The following MAMLD1 variants were observed in gnomAD, a reference collection of about 807,000 sequenced individuals.
MAMLD1 encodes the protein mastermind-like domain-containing protein 1.
Under a neutral mutation model 45.0 loss-of-function variants are expected in MAMLD1, and 14 were observed. The ratio of observed to expected loss-of-function variants is 0.31; its 90% confidence interval spans 0.21 to 0.49. The LOEUF (loss-of-function observed/expected upper bound fraction) is 0.49. Among genes scored for constraint, MAMLD1 ranks in the 20% least tolerant of loss-of-function variants. The pLI is 0.99. For missense variants in MAMLD1, 543 were observed against 603.6 expected, an observed-to-expected ratio of 0.90 and a Z score of 1.05; for synonymous variants, 254 against 247.8, an observed-to-expected ratio of 1.02 and a Z score of -0.24.
chrX:150,434,486 C>G (rs782582081), intron 1 of MAMLD1, among the ~76,000 whole-genome samples: 1 of 111,055 alleles, frequency 9.0e-6, no homozygotes, highest in African/African-American at 3.3e-5. Flanking sequence ...CTCTACATCT[C>G]CTGTAGTGGC....
At chrX:150,499,856 GT>G (rs1169820213) in intron 5 of MAMLD1, among the ~76,000 whole-genome samples, 1 of 111,468 alleles carries the variant, frequency 9.0e-6, no homozygotes, top group Non-Finnish European at 1.9e-5. Context: ...CTACTGATGG[GT>G]TTTATAAACC....
intron 7 of MAMLD1, among the ~76,000 whole-genome samples, chrX:150,510,333 C>A (rs782191775): frequency 6.4e-4 from 72 of 112,097 alleles, no homozygotes; most frequent in African/African-American, 2.3e-3. Context: ...ACCCTAGGAT[C>A]TGGATTAGAA....
In MAMLD1 at chrX:150,512,694, C is replaced by A. The variant is rs1452561977; in HGVS notation, c.*735C>A. On this transcript the variant is annotated 3_prime_UTR_variant, in exon 8 of 8. Transcript: ENST00000370401. ...ACCAAGTTCCTCCAGCAGGGTATGGCCAGCTTTAGTCCCCTGAGCCCCATA... is the reference window on the plus strand; with the variant it reads ...ACCAAGTTCCTCCAGCAGGGTATGGACAGCTTTAGTCCCCTGAGCCCCATA... The A allele has an allele frequency of 8.7e-7, 1 of 1,150,685 alleles. No homozygotes were observed. Among genetic ancestry groups the A allele is most frequent in the Non-Finnish European group, 1.1e-6 (1 of 870,082 alleles). 94.8% of individuals were successfully genotyped at this position (1,150,685 alleles called of 1,213,427 possible). A position where few individuals can be genotyped will look rare whatever the true frequency, so the allele number is the denominator to read the frequency against.
chrX:150,464,092 CAGA>C (rs1250869820), intron 3 of MAMLD1, among the ~76,000 whole-genome samples: 1 of 112,008 alleles, frequency 8.9e-6, no homozygotes, highest in Non-Finnish European at 1.9e-5. Context: ...ACCCATTTTA[CAGA>C]AGAAGAAATT....
intron 1 of MAMLD1, among the ~76,000 whole-genome samples, chrX:150,370,619 C>A (rs190072929): frequency 9.0e-6 from 1 of 111,174 alleles, no homozygotes; most frequent in East Asian, 2.9e-4. Flanking sequence ...GCTGCTGAAG[C>A]CCCAAGAGCA....
rs1307756527 is a variant in MAMLD1 at position 150,483,330 on chromosome X, T to C, written c.2040+9528T>C. Among the ~76,000 whole-genome samples the C allele has an allele frequency of 3.6e-5, 4 of 112,587 alleles. No homozygotes were observed. The South Asian group carries it at 1.1e-3, about 31-fold the overall frequency. ...TTTGTGACTTGTCTGCTTCTCCACT[T>C]GGTAGTAAACTCCTCAGGCATAGGA... On this transcript the variant is annotated intron_variant, in intron 5 of 7. Transcript: ENST00000370401.
intron 1 of MAMLD1, among the ~76,000 whole-genome samples, chrX:150,425,775 T>A (rs1298041896): frequency 1.8e-5 from 2 of 111,957 alleles, no homozygotes; most frequent in Non-Finnish European, 3.8e-5. Context: ...AGACAAATAC[T>A]TCCTGCCAAG....
intron 1 of MAMLD1, among the ~76,000 whole-genome samples, chrX:150,434,079 A>C (rs956118551): frequency 9.0e-6 from 1 of 111,512 alleles, no homozygotes; most frequent in Non-Finnish European, 1.9e-5. Flanking sequence ...ATTGTATTTC[A>C]GAACTCATTA....
intron 1 of MAMLD1, among the ~76,000 whole-genome samples, chrX:150,399,246 G>C (rs2033649582): frequency 9.0e-6 from 1 of 111,626 alleles, no homozygotes; most frequent in African/African-American, 3.3e-5. Context: ...AGACCTGGCA[G>C]ACGGTTGAGA....
chrX:150,448,190 A>T (rs1302192940), intron 2 of MAMLD1, among the ~76,000 whole-genome samples: 5 of 111,944 alleles, frequency 4.5e-5, no homozygotes, highest in Non-Finnish European at 9.4e-5. Flanking sequence ...GGCTTTGTCT[A>T]TCCTTTGCCC....
At chrX:150,404,954 T>G (rs2033961225) in intron 1 of MAMLD1, among the ~76,000 whole-genome samples, 1 of 112,360 alleles carries the variant, frequency 8.9e-6, no homozygotes, top group South Asian at 3.7e-4. Flanking sequence ...TTTTCTGGTT[T>G]GGGGTGACTA....
rs149710130 is a variant in MAMLD1, at chrX:150,469,843, T to C, written c.270T>C (p.Asp90=). 8.6e-4 allele frequency: 1,039 copies of C among 1,209,887 alleles called. No homozygotes were observed. The highest frequency in any genetic ancestry group is 1.1e-3 in the Non-Finnish European group (989 of 895,115). Residue 90 remains aspartate, a synonymous_variant, in exon 4 of 8, where the codon GAT becomes GAC. Transcript: ENST00000370401. ...PNKIKRPCLE[D]VTLAMGPGAH... is the part of the protein sequence containing the mutation. ...AAATTAAGAGGCCTTGCCTTGAAGA[T>C]GTCACCCTTGCAATGGGCCCAGGTG... is the stretch of plus-strand genomic sequence containing the variant.
chrX:150,448,842 A>G (rs1205393368), intron 2 of MAMLD1, among the ~76,000 whole-genome samples: 3 of 111,982 alleles, frequency 2.7e-5, no homozygotes, highest in Admixed American at 1.9e-4. Flanking sequence ...GTTGAGACTC[A>G]GTGCGCATGT....
At position 150,509,968 on chromosome X, in the gene MAMLD1, G is replaced by A. The variant is rs782325244; in HGVS notation, c.2291G>A (p.Gly764Glu). 8.4e-7 allele frequency: 1 copy of A among 1,185,378 alleles called. No individual in the cohort carries two copies. The highest frequency in any genetic ancestry group is 1.1e-6 in the Non-Finnish European group (1 of 871,409). The change falls in exon 7 of 8, where the codon GGA becomes GAA. Residue 764 changes from glycine to glutamate, a missense_variant. Gly to Glu is a moderately conservative substitution (Grantham distance 98). Transcript: ENST00000370401. ...TTTTTCATCTTCTGTTTAGCAAGAG[G>A]AACAGAGATCAGGTCTTATGGCAAT... The part of the protein sequence containing the change: ...LLPSCDATAR[G>E]TEIRSYGNDP
chrX:150,421,845 T>A (rs2034527220), intron 1 of MAMLD1, among the ~76,000 whole-genome samples: 1 of 112,177 alleles, frequency 8.9e-6, no homozygotes, highest in African/African-American at 3.2e-5. Context: ...TTTGGTTTAA[T>A]GTGGAAAGAA....
chrX:150,413,430 C>T (rs2034170497), intron 1 of MAMLD1, among the ~76,000 whole-genome samples: 3 of 111,316 alleles, frequency 2.7e-5, no homozygotes, highest in African/African-American at 6.5e-5. Flanking sequence ...TCCCTTTCCA[C>T]GCTACCCAGG....
intron 1 of MAMLD1, among the ~76,000 whole-genome samples, chrX:150,386,081 T>C (rs1291471636): frequency 9.9e-6 from 1 of 101,426 alleles, no homozygotes; most frequent in Admixed American, 1.1e-4. Flanking sequence ...AAGATCCATA[T>C]CTTGAAATCC....
At chrX:150,404,965 C>T (rs781865491) in intron 1 of MAMLD1, among the ~76,000 whole-genome samples, 34 of 112,335 alleles carry the variant, frequency 3.0e-4, no homozygotes, top group Non-Finnish European at 5.4e-4. Flanking sequence ...GGGGTGACTA[C>T]AAATACAGCT....
At chrX:150,491,124 G>A (rs2037172585) in intron 5 of MAMLD1, among the ~76,000 whole-genome samples, 1 of 111,223 alleles carries the variant, frequency 9.0e-6, no homozygotes, top group African/African-American at 3.3e-5. Flanking sequence ...TGTACTGAGG[G>A]ATTTCTGTTT....
Sources: allele counts gnomAD v4.1 joint callset (sites outside exome capture counted in the v4.1 genomes callset), GRCh38; gene constraint gnomAD v4.1.1; transcripts MANE v1.5; gene names NCBI Gene and HGNC (gene_info 2026-07-23, HGNC 2026-07-21).